The following PRKCA variants were observed in gnomAD, a reference collection of about 807,000 sequenced individuals.
The protein encoded by PRKCA is protein kinase C alpha, also known as protein kinase C alpha type.
A neutral mutation model predicts 87.0 loss-of-function variants in PRKCA; 27 were observed. The ratio of observed to expected loss-of-function variants is 0.31; its 90% CI spans 0.23 to 0.43. The LOEUF (loss-of-function observed/expected upper bound fraction) is 0.43. Among genes scored for constraint, PRKCA ranks in the 20% least tolerant of loss-of-function variants. The pLI, the probability that PRKCA is intolerant of heterozygous loss-of-function variation, is 1.00. For synonymous variants in PRKCA, 329 were observed against 311.1 expected (o/e 1.06, Z -0.61); for missense variants, 518 against 852.3 (o/e 0.61, Z 4.88).
intron 3 of PRKCA, among the ~76,000 whole-genome samples, chr17:66,548,280 T>A (rs1023253672): frequency 6.6e-6 from 1 of 152,032 alleles, no homozygotes; most frequent in African/African-American, 2.4e-5. Context: ...CAGGGCTGAG[T>A]CAGCTGGTGC....
chr17:66,378,438 A>C (rs573787994), intron 2 of PRKCA, among the ~76,000 whole-genome samples: 1 of 152,268 alleles, frequency 6.6e-6, no homozygotes, highest in East Asian at 1.9e-4. Flanking sequence ...GTATTCACGG[A>C]ATTGAATGAC....
intron 3 of PRKCA, among the ~76,000 whole-genome samples, chr17:66,586,679 C>T (rs1318695257): frequency 6.6e-6 from 1 of 152,218 alleles, no homozygotes; most frequent in Non-Finnish European, 1.5e-5. Flanking sequence ...ATAACTTCTA[C>T]TAAGCTCCTT....
At chr17:66,749,540 C>A (rs1288339181) in intron 13 of PRKCA, among the ~76,000 whole-genome samples, 1 of 152,192 alleles carries the variant, frequency 6.6e-6, no homozygotes, top group Non-Finnish European at 1.5e-5. Context: ...TGGCACTCAT[C>A]CCCCTTGGAG....
intron 3 of PRKCA, among the ~76,000 whole-genome samples, chr17:66,591,352 T>C (rs1458838848): frequency 6.6e-6 from 1 of 151,390 alleles, no homozygotes; most frequent in African/African-American, 2.4e-5. Context: ...AGGGATGAGG[T>C]CTTGCCGTGT....
intron 8 of PRKCA, among the ~76,000 whole-genome samples, chr17:66,732,191 T>TC (rs1973918612): frequency 6.6e-6 from 1 of 151,686 alleles, no homozygotes; most frequent in African/African-American, 2.4e-5. Flanking sequence ...CGATGAATCA[T>TC]CCCAATGGCT....
chr17:66,492,520 A>G (rs139227034), intron 2 of PRKCA, among the ~76,000 whole-genome samples: 130 of 152,268 alleles, frequency 8.5e-4, no homozygotes, highest in Non-Finnish European at 1.3e-3. Flanking sequence ...TTAAAAAGAG[A>G]TGAAAGGCCC....
At chr17:66,621,504 G>A (rs565666234) in intron 3 of PRKCA, among the ~76,000 whole-genome samples, 1 of 152,148 alleles carries the variant, frequency 6.6e-6, no homozygotes, top group East Asian at 1.9e-4. Context: ...ACCACTTAGT[G>A]TTCAGAGGAT....
At chr17:66,506,876 G>A (rs141915117) in intron 3 of PRKCA, among the ~76,000 whole-genome samples, 1 of 152,142 alleles carries the variant, frequency 6.6e-6, no homozygotes. Context: ...TAGACATTTC[G>A]TGATGTACAA....
At chr17:66,490,779 C>T (rs1419390986) in intron 2 of PRKCA, among the ~76,000 whole-genome samples, 1 of 152,118 alleles carries the variant, frequency 6.6e-6, no homozygotes, top group Non-Finnish European at 1.5e-5. Context: ...CGTGGTTTTG[C>T]CATATTGGCC....
intron 5 of PRKCA, among the ~76,000 whole-genome samples, chr17:66,664,647 GTTTTTT>G (rs398031366): frequency 4.4e-5 from 3 of 67,788 alleles, no homozygotes; most frequent in African/African-American, 6.4e-5. Flanking sequence ...TTTTGCTTTG[GTTTTTT>G]TTTTTTTTTT....
chr17:66,612,744 C>G (rs1188018914), intron 3 of PRKCA, among the ~76,000 whole-genome samples: 1 of 143,598 alleles, frequency 7.0e-6, no homozygotes, highest in Non-Finnish European at 1.5e-5. Flanking sequence ...TTTTTTTTGT[C>G]TTTAGCTAAG....
intron 13 of PRKCA, 106 bp from the exon 14 acceptor site, chr17:66,773,881 A>C (rs1974992216): frequency 6.5e-7 from 1 of 1,544,334 alleles, no homozygotes; most frequent in Non-Finnish European, 8.8e-7. Flanking sequence ...TTAGCACCTC[A>C]TCTGCATGAA....
chr17:66,674,396 G>A (rs1972270993), intron 5 of PRKCA, among the ~76,000 whole-genome samples: 2 of 152,228 alleles, frequency 1.3e-5, no homozygotes, highest in Admixed American at 1.3e-4. Context: ...GTTCACGCAT[G>A]GTGCTGTGCT....
At chr17:66,502,678 C>T (rs576389091) in intron 3 of PRKCA, among the ~76,000 whole-genome samples, 28 of 148,500 alleles carry the variant, frequency 1.9e-4, no homozygotes, top group Non-Finnish European at 3.6e-4. Flanking sequence ...TTTTTTGAGA[C>T]GAGTCTCGCT....
chr17:66,602,612 A>G (rs552819447), intron 3 of PRKCA, among the ~76,000 whole-genome samples: 163 of 152,300 alleles, frequency 1.1e-3, no homozygotes, highest in African/African-American at 3.5e-3. Flanking sequence ...ATTAAACTTA[A>G]AACAATTTCT....
chr17:66,635,577 A>G (rs1244951190), intron 3 of PRKCA, among the ~76,000 whole-genome samples: 1 of 152,236 alleles, frequency 6.6e-6, no homozygotes, highest in Non-Finnish European at 1.5e-5. Context: ...CTTTAGACTC[A>G]TCCTCCCACG....
chr17:66,558,692 G>A (rs185079814), intron 3 of PRKCA, among the ~76,000 whole-genome samples: 1 of 152,284 alleles, frequency 6.6e-6, no homozygotes, highest in Non-Finnish European at 1.5e-5. Flanking sequence ...GAGTAAGGGG[G>A]GGAGGGAGGA....
intron 3 of PRKCA, among the ~76,000 whole-genome samples, chr17:66,509,446 A>C (rs141024097): frequency 1.3e-3 from 196 of 152,276 alleles, no homozygotes; most frequent in African/African-American, 4.5e-3. Flanking sequence ...GATTGAGTCC[A>C]AGAGCAAGAA....
At chr17:66,367,587 G>A (rs1002465945) in intron 2 of PRKCA, among the ~76,000 whole-genome samples, 2 of 152,180 alleles carry the variant, frequency 1.3e-5, no homozygotes, top group African/African-American at 4.8e-5. Flanking sequence ...CTAAAAGATG[G>A]TCTTGATAGT....
Sources: gnomAD v4.1 joint callset for allele counts (sites outside exome capture counted in the v4.1 genomes callset) on GRCh38, gnomAD v4.1.1 for gene constraint, MANE v1.5 for transcripts, NCBI Gene and HGNC (gene_info 2026-07-23, HGNC 2026-07-21) for gene names.